The following MMP26 variants were observed in gnomAD, a reference collection of about 807,000 sequenced individuals.
MMP26 encodes matrix metallopeptidase 26, also known as matrix metalloproteinase-26.
MMP26 carries 33 observed loss-of-function variants against 31.0 expected under a neutral mutation model. The ratio of observed to expected loss-of-function variants is 1.06; its 90% CI spans 0.81 to 1.42. The LOEUF is 1.42. Among genes scored for constraint, MMP26 ranks in the 40% most tolerant of loss-of-function variants. The probability of loss-of-function intolerance (pLI) is 0.00; values close to 1 mark genes in which losing one functional copy is unlikely to be tolerated. For synonymous variants in MMP26, 122 were observed against 114.9 expected, an observed-to-expected ratio of 1.06 and a Z score of -0.40; for missense variants, 347 against 316.1, an observed-to-expected ratio of 1.10 and a Z score of -0.74.
chr11:4,926,907 T>C (rs1245966809), intron 2 of MMP26, among the ~76,000 whole-genome samples: 1 of 152,138 alleles, frequency 6.6e-6, no homozygotes, highest in Non-Finnish European at 1.5e-5. Context: ...AGTGAATGGA[T>C]AAAAAGAGAT....
At chr11:4,789,127 A>G (rs1459797228) in intron 2 of MMP26, among the ~76,000 whole-genome samples, 2 of 152,218 alleles carry the variant, frequency 1.3e-5, no homozygotes, top group African/African-American at 2.4e-5. Flanking sequence ...TTGTTGAAAA[A>G]TAGTAGTTTC....
chr11:4,848,526 A>G (rs780747079), intron 2 of MMP26: 3 of 1,613,378 alleles, frequency 1.9e-6, no homozygotes, highest in African/African-American at 1.3e-5. Context: ...CACCTTGCCA[A>G]TCAGGCCATA....
chr11:4,731,295 G>A (rs1848170112), intron 1 of MMP26, among the ~76,000 whole-genome samples: 1 of 152,146 alleles, frequency 6.6e-6, no homozygotes, highest in Non-Finnish European at 1.5e-5. Flanking sequence ...CACTGAATCA[G>A]CTTCCCCACC....
intron 2 of MMP26, among the ~76,000 whole-genome samples, chr11:4,789,530 C>CTTTTTTTT (rs71050429): frequency 0.017 from 1,105 of 65,984 alleles, 106 homozygotes; most frequent in Admixed American, 0.024. Context: ...TATCCCCCCA[C>CTTTTTTTT]TTTTTTTTTT....
intron 2 of MMP26, among the ~76,000 whole-genome samples, chr11:4,874,495 T>C (rs989243946): frequency 6.6e-6 from 1 of 151,892 alleles, no homozygotes; most frequent in African/African-American, 2.4e-5. Flanking sequence ...CCATAGATGG[T>C]TTTCAAAAAT....
At chr11:4,923,586 G>A in intron 2 of MMP26, 1 of 1,614,124 alleles carries the variant, frequency 6.2e-7, no homozygotes, top group South Asian at 1.1e-5. Context: ...ATGTAGAAGA[G>A]CAGTACAGCA....
At position 4,820,375 on chromosome 11, in the gene MMP26, C is replaced by G. The variant is rs140887660; in HGVS notation, c.-145+53034C>G. 5.9e-3 allele frequency among the ~76,000 whole-genome samples: 898 copies of G among 152,190 alleles called. 11 individuals are homozygous for G. Among genetic ancestry groups the G allele is most frequent in the African/African-American group, 0.019 (806 of 41,504 alleles). Reference sequence around the variant, plus strand: ...TTGTGTCTGGCATATGGCACATGTTCAAGAAATGCTGGCTATTGTGTTTTT... The same window carrying G: ...TTGTGTCTGGCATATGGCACATGTTGAAGAAATGCTGGCTATTGTGTTTTT... On this transcript the variant is annotated intron_variant, in intron 2 of 7. Coordinates refer to ENST00000380390, the MANE Select transcript of MMP26 (RefSeq NM_021801.5).
rs139812222 is a variant in MMP26 at position 4,803,718 on chromosome 11, G to T, written c.-145+36377G>T. 3.1e-6 allele frequency: 5 copies of T among 1,613,604 alleles called. No individual in the cohort carries two copies. In the African/African-American group the frequency reaches 5.4e-5, roughly 17 times the overall value. ...GAAGCACAGCTCTCAAAATCATCAC[G>T]TATGACATACCAATGACAATCATAT... is the stretch of plus-strand genomic sequence containing the variant. On this transcript the variant is annotated intron_variant, in intron 2 of 7. Transcript: ENST00000380390.
chr11:4,805,929 C>T (rs1849262924), intron 2 of MMP26, among the ~76,000 whole-genome samples: 1 of 152,066 alleles, frequency 6.6e-6, no homozygotes. Context: ...GTTGCCTGTG[C>T]TTTGTTTGAA....
intron 2 of MMP26, among the ~76,000 whole-genome samples, chr11:4,770,650 C>T (rs1231270531): frequency 6.6e-6 from 1 of 152,078 alleles, no homozygotes; most frequent in Non-Finnish European, 1.5e-5. Context: ...CAAGATCATC[C>T]TGGCCAACAT....
intron 2 of MMP26, chr11:4,915,535 G>A: frequency 1.2e-6 from 2 of 1,614,124 alleles, no homozygotes; most frequent in South Asian, 1.1e-5. Flanking sequence ...TGCCCGGGAT[G>A]GAAACCAGAT....
At chr11:4,823,023 T>C (rs1244087191) in intron 2 of MMP26, among the ~76,000 whole-genome samples, 4 of 152,188 alleles carry the variant, frequency 2.6e-5, no homozygotes, top group Non-Finnish European at 5.9e-5. Context: ...TCATTTTTTT[T>C]TAAACCAAGA....
chr11:4,918,042 A>T (rs1421486359), intron 2 of MMP26, among the ~76,000 whole-genome samples: 1 of 151,954 alleles, frequency 6.6e-6, no homozygotes, highest in Admixed American at 6.5e-5. Flanking sequence ...ACAATTTGCC[A>T]GGCTCTGTAT....
At chr11:4,776,346 G>A (rs761453404) in intron 2 of MMP26, among the ~76,000 whole-genome samples, 1 of 152,022 alleles carries the variant, frequency 6.6e-6, no homozygotes, top group Non-Finnish European at 1.5e-5. Flanking sequence ...ACAGTTCTAT[G>A]TTTAGTTCTT....
chr11:4,953,897 C>CA lies in MMP26; in HGVS notation c.-144-34166dup, dbSNP rs1422111322. Among the ~76,000 whole-genome samples the CA allele has an allele frequency of 2.4e-5, 3 of 124,532 alleles. 1 individual carries two copies. Among genetic ancestry groups the CA allele is most frequent in the Non-Finnish European group, 5.4e-5 (3 of 55,084 alleles). The allele number at this position is 124,532 out of a possible 152,430, so 81.7% of individuals were successfully genotyped here. A position where few individuals can be genotyped will look rare whatever the true frequency, so the allele number is the denominator to read the frequency against. ...TGAAACCCTGTCTCTACAAAAAATA[C>CA]AAAAATCAGCCAGGCGTGGTGACAT... On this transcript the variant is annotated intron_variant, in intron 2 of 7. Coordinates refer to ENST00000380390, the MANE Select transcript of MMP26 (RefSeq NM_021801.5).
At chr11:4,925,846 C>T (rs565056399) in intron 2 of MMP26, among the ~76,000 whole-genome samples, 1 of 151,236 alleles carries the variant, frequency 6.6e-6, no homozygotes, top group South Asian at 2.1e-4. Context: ...CTTACAATGG[C>T]TAAGTCACTG....
In MMP26 at chr11:4,934,330, A is replaced by G. The variant is rs898664573; in HGVS notation, c.-144-53738A>G. Among the ~76,000 whole-genome samples the G allele has an allele frequency of 3.7e-3, 533 of 145,138 alleles. 8 individuals carry two copies. The highest frequency in any genetic ancestry group is 0.013 in the African/African-American group (485 of 37,644). ...TGAATTTCTCTGATGGCCAGTGATG[A>G]TGAGCATTTTTTCATGTGTTTTTTG... is the stretch of plus-strand genomic sequence containing the variant. On this transcript the variant is annotated intron_variant, in intron 2 of 7. Coordinates refer to ENST00000380390, the MANE Select transcript of MMP26 (RefSeq NM_021801.5).
intron 2 of MMP26, among the ~76,000 whole-genome samples, chr11:4,878,699 T>C (rs775057357): frequency 6.6e-6 from 1 of 152,164 alleles, no homozygotes; most frequent in Non-Finnish European, 1.5e-5. Flanking sequence ...TTAAGATTGA[T>C]TTAATACTTC....
rs140690264 is a variant in MMP26, at chr11:4,950,596, A to G, written c.-144-37472A>G. ...GAATAAATTCGATTATTTTATAACA[A>G]TAGCACAGCATGCTGAATATAGCTA... On this transcript the variant is annotated intron_variant, in intron 2 of 7. Coordinates refer to ENST00000380390, the MANE Select transcript of MMP26 (RefSeq NM_021801.5). 5.5e-4 allele frequency among the ~76,000 whole-genome samples: 67 copies of G among 122,502 alleles called. 17 individuals carry two copies. The highest frequency in any genetic ancestry group is 1.1e-3 in the Non-Finnish European group (62 of 54,082). The allele number at this position is 122,502 out of a possible 152,430, so 80.4% of individuals were successfully genotyped here. A position where few individuals can be genotyped will look rare whatever the true frequency, so the allele number is the denominator to read the frequency against.
Sources: gnomAD v4.1 joint callset for allele counts (sites outside exome capture counted in the v4.1 genomes callset) on GRCh38, gnomAD v4.1.1 for gene constraint, MANE v1.5 for transcripts, NCBI Gene and HGNC (gene_info 2026-07-23, HGNC 2026-07-21) for gene names.